The following CTNND1 variants were observed in gnomAD, a reference collection of about 807,000 sequenced individuals.
The protein encoded by CTNND1 is catenin delta 1.
Under a neutral mutation model 112.1 loss-of-function variants are expected in CTNND1, and 16 were observed. The ratio of observed to expected loss-of-function variants is 0.14; its 90% confidence interval spans 0.10 to 0.22. The LOEUF (loss-of-function observed/expected upper bound fraction) is 0.22, where lower values mean the gene tolerates loss of function less well. CTNND1 is among the 10% of genes least tolerant of loss of function. CTNND1 has a pLI of 1.00. For synonymous variants in CTNND1, 420 were observed against 446.5 expected (o/e 0.94, Z 0.75); for missense variants, 1,008 against 1,257.0 (o/e 0.80, Z 3.00).
At chr11:57,800,973 TTGG>T (rs1156857069) in intron 6 of CTNND1, among the ~76,000 whole-genome samples, 2 of 152,250 alleles carry the variant, frequency 1.3e-5, no homozygotes, top group Non-Finnish European at 2.9e-5. Context: ...AAATGTGATG[TTGG>T]TGAATAGGCT....
In CTNND1 at chr11:57,769,207, C is replaced by T. The variant is rs933840061; in HGVS notation, c.-214+7088C>T. Among the ~76,000 whole-genome samples the T allele has an allele frequency of 3.4e-4, 52 of 151,440 alleles. 1 individual carries two copies. Among genetic ancestry groups the T allele is most frequent in the African/African-American group, 1.1e-3 (46 of 41,182 alleles). On this transcript the variant is annotated intron_variant, in intron 1 of 20. Coordinates refer to ENST00000399050, the MANE Select transcript of CTNND1 (RefSeq NM_001085458.2). ...GTGCATGCCTGTAATCTGAGCTACT[C>T]GGGAGGCTGAGGCAGGAGAATCGCT...
At chr11:57,806,622 CT>C (rs959497266) in intron 11 of CTNND1, 144 bp downstream of exon 11, 1 of 756,902 alleles carries the variant, frequency 1.3e-6, no homozygotes, top group African/African-American at 1.8e-5. Context: ...AAGTTTAGCT[CT>C]TTGGAGCTAA....
At chr11:57,792,611 A>G (rs972642574) in intron 3 of CTNND1, among the ~76,000 whole-genome samples, 1 of 152,156 alleles carries the variant, frequency 6.6e-6, no homozygotes, top group Non-Finnish European at 1.5e-5. Context: ...GCTCACTGCA[A>G]CGTTCGCCTC....
At chr11:57,797,807 A>G (rs748551369) in intron 6 of CTNND1, among the ~76,000 whole-genome samples, 214 of 126,622 alleles carry the variant, frequency 1.7e-3, no homozygotes, top group Non-Finnish European at 2.8e-3. Flanking sequence ...ATGCCATTGC[A>G]CTCCAGCCTG....
chr11:57,793,746 C>T (rs1023983922), intron 3 of CTNND1, among the ~76,000 whole-genome samples: 2 of 152,166 alleles, frequency 1.3e-5, no homozygotes, highest in Non-Finnish European at 2.9e-5. Flanking sequence ...CTAAACTTAT[C>T]CCAAAAAACC....
At position 57,789,021 on chromosome 11, in the gene CTNND1, T is replaced by C. The variant is rs1299585519; in HGVS notation, c.-213-16T>C. The C allele has an allele frequency of 3.0e-5, 46 of 1,518,272 alleles. No homozygotes were observed. Among genetic ancestry groups the C allele is most frequent in the Non-Finnish European group, 3.9e-5 (44 of 1,131,162 alleles). 94.1% of individuals were successfully genotyped at this position (1,518,272 alleles called of 1,614,324 possible). ...TTTTCCTCTCATTCCCATTTTTCCT[T>C]CAAATATTTCTGCAGCTCTCTCCTT... On this transcript the variant is annotated splice_polypyrimidine_tract_variant and intron_variant, in intron 1 of 20. Transcript: ENST00000399050.
rs2064096272 is a variant in CTNND1 at position 57,818,602 on chromosome 11, G to A, written c.*2294G>A. On this transcript the variant is annotated 3_prime_UTR_variant, in exon 21 of 21. Coordinates refer to ENST00000399050, the MANE Select transcript of CTNND1 (RefSeq NM_001085458.2). ...GAGCTCAGCCCCAACTCTTTATCAA[G>A]CAACATTCTTGTTAACTATATGTGA... The A allele has an allele frequency of 6.6e-6, 1 of 152,250 alleles. No individual in the cohort carries two copies. Among genetic ancestry groups the A allele is most frequent in the African/African-American group, 2.4e-5 (1 of 41,388 alleles). 9.4% of individuals were successfully genotyped at this position (152,250 alleles called of 1,614,324 possible).
rs1444028846 is a variant in CTNND1, at chr11:57,811,437, T to C, written c.2589T>C (p.His863=). 6.2e-6 allele frequency: 10 copies of C among 1,613,668 alleles called. No individual in the cohort carries two copies. Among genetic ancestry groups the C allele is most frequent in the Non-Finnish European group, 8.5e-6 (10 of 1,179,794 alleles). ...ATGCTTCCCGAAGCCAGAGCAGTCATTCATATGATGATAGTACTCTCCCTC... is the reference window on the plus strand; with the variant it reads ...ATGCTTCCCGAAGCCAGAGCAGTCACTCATATGATGATAGTACTCTCCCTC... ...LNNASRSQSS[H]SYDDSTLPLI... The change falls in exon 17 of 21, where the codon CAT becomes CAC. Residue 863 remains histidine (H), a synonymous_variant. Coordinates refer to ENST00000399050, the MANE Select transcript of CTNND1 (RefSeq NM_001085458.2).
chr11:57,804,455 T>C (rs938705805), intron 8 of CTNND1, among the ~76,000 whole-genome samples: 2 of 152,184 alleles, frequency 1.3e-5, no homozygotes, highest in African/African-American at 4.8e-5. Flanking sequence ...CTGGTACATA[T>C]CATTAATCCC....
chr11:57,807,400 G>C (rs1344645985), intron 12 of CTNND1, among the ~76,000 whole-genome samples: 1 of 152,116 alleles, frequency 6.6e-6, no homozygotes, highest in African/African-American at 2.4e-5. Context: ...GAGATCAGGA[G>C]TTTGAGACCA....
At chr11:57,769,892 AT>A (rs571107731) in intron 1 of CTNND1, among the ~76,000 whole-genome samples, 340 of 152,090 alleles carry the variant, frequency 2.2e-3, no homozygotes, top group African/African-American at 7.4e-3. Flanking sequence ...TTCTTGATTA[AT>A]TACTCATTTT....
intron 1 of CTNND1, among the ~76,000 whole-genome samples, chr11:57,779,070 A>C (rs1335750519): frequency 6.6e-6 from 1 of 152,204 alleles, no homozygotes; most frequent in Non-Finnish European, 1.5e-5. Context: ...TTTAATTAAG[A>C]AAGGAATTCT....
intron 12 of CTNND1, 90 bp downstream of exon 12, chr11:57,807,073 G>A (rs988050029): frequency 8.9e-6 from 9 of 1,011,110 alleles, no homozygotes; most frequent in South Asian, 4.3e-5. Flanking sequence ...TATGTAATAC[G>A]TTTATTGTCC....
At position 57,767,256 on chromosome 11, in the gene CTNND1, C is replaced by T. The variant is rs544215872; in HGVS notation, c.-214+5137C>T. On this transcript the variant is annotated intron_variant, in intron 1 of 20. Coordinates refer to ENST00000399050, the MANE Select transcript of CTNND1 (RefSeq NM_001085458.2). ...GATTACAGTCTTGAGCCACTGCGCC[C>T]GGCCAGAATTTTATCTTAAAGCCTT... Among the ~76,000 whole-genome samples the T allele has an allele frequency of 3.3e-5, 5 of 152,248 alleles. No individual in the cohort carries two copies. The South Asian group carries it at 8.3e-4, about 25-fold the overall frequency.
intron 8 of CTNND1, 59 bp downstream of exon 8, chr11:57,803,863 C>CA: frequency 7.5e-6 from 9 of 1,204,696 alleles, no homozygotes; most frequent in South Asian, 1.8e-5. Context: ...CTTAAATTTC[C>CA]TAAAAAAAAA....
rs979801905 is a variant in CTNND1 at position 57,785,068 on chromosome 11, C to T, written c.-213-3969C>T. On this transcript the variant is annotated intron_variant, in intron 1 of 20. Transcript: ENST00000399050. ...AGGAGCCAAGACTTGGACCCCCAGT[C>T]TTTTGACCCCTAATCTGGAGTTTTA... is the stretch of plus-strand genomic sequence containing the variant. Among the ~76,000 whole-genome samples the T allele has an allele frequency of 4.7e-4, 72 of 152,168 alleles. 1 individual carries two copies. Among genetic ancestry groups the T allele is most frequent in the African/African-American group, 1.6e-3 (66 of 41,456 alleles).
At chr11:57,808,644 G>A in intron 14 of CTNND1, 104 bp downstream of exon 14, 2 of 1,149,464 alleles carry the variant, frequency 1.7e-6, no homozygotes, top group Non-Finnish European at 2.3e-6. Flanking sequence ...CTGAAGGGAA[G>A]GACCCTCCCC....
intron 18 of CTNND1, 44 bp downstream of exon 18, chr11:57,814,417 C>T: frequency 1.4e-6 from 2 of 1,465,742 alleles, no homozygotes; most frequent in Non-Finnish European, 1.9e-6. Flanking sequence ...TAATATTTCA[C>T]TGGCTAAGGA....
rs750822390 is a variant in CTNND1, at chr11:57,819,480, TTC to T, written c.*3178_*3179del. The T allele has an allele frequency of 2.0e-5, 3 of 152,350 alleles. No individual in the cohort carries two copies. The highest frequency in any genetic ancestry group is 2.1e-4 in the South Asian group (1 of 4,824). 9.4% of individuals were successfully genotyped at this position (152,350 alleles called of 1,614,324 possible). ...ATTGAGCTAGATACAAACCCTACTC[TTC>T]TCTCTTCCTTCTGGATTGGTCCATT... On this transcript the variant is annotated 3_prime_UTR_variant, in exon 21 of 21. Coordinates refer to ENST00000399050, the MANE Select transcript of CTNND1 (RefSeq NM_001085458.2).
Sources: gnomAD v4.1 joint callset for allele counts (sites outside exome capture counted in the v4.1 genomes callset) on GRCh38, gnomAD v4.1.1 for gene constraint, MANE v1.5 for transcripts, NCBI Gene and HGNC (gene_info 2026-07-23, HGNC 2026-07-21) for gene names.